SLC2A11: variants seen among roughly 807,000 people sequenced by gnomAD.
SLC2A11 encodes solute carrier family 2, facilitated glucose transporter member 11.
Under a neutral mutation model 52.1 loss-of-function variants are expected in SLC2A11, and 43 were observed. The observed-to-expected ratio is 0.82, with a 90% CI of 0.65 to 1.06. The LOEUF is 1.06. Ranked by LOEUF, SLC2A11 falls within the 50% of genes least tolerant of loss-of-function variation. The pLI is 0.00. For missense variants in SLC2A11, 582 were observed against 654.2 expected (o/e 0.89, Z 1.20); for synonymous variants, 261 against 277.6 (o/e 0.94, Z 0.59).
At chr22:23,865,578 A>C (rs2032234229) in intron 2 of SLC2A11, 1 of 152,360 alleles carries the variant, frequency 6.6e-6, no homozygotes, top group Non-Finnish European at 1.5e-5. Flanking sequence ...TGGGCAAGTG[A>C]GAACTGATAG....
In SLC2A11 at chr22:23,883,964, A is replaced by G. The variant is rs1702102895; in HGVS notation, c.1111A>G (p.Thr371Ala). 6.2e-7 allele frequency: 1 copy of G among 1,613,048 alleles called. No homozygotes were observed. ...TCCACGGCAGAGCTCCTTCCCCTGG[A>G]CACTCTACCTGGCCATGGCCTGCAT... The part of the protein sequence containing the change: ...ALCLQSSFPW[T>A]LYLAMACIFA... The change falls in exon 10 of 12, where the codon ACA (threonine) becomes GCA (alanine). Residue 371 changes from threonine (T) to alanine (A), a missense_variant. Transcript: ENST00000316185.
intron 6 of SLC2A11, 94 bp downstream of exon 6, chr22:23,877,963 C>T: frequency 7.2e-7 from 1 of 1,384,812 alleles, no homozygotes; most frequent in Non-Finnish European, 9.7e-7. Context: ...TTTCATTTAT[C>T]AAGGAAAAGC....
chr22:23,857,171 G>C, upstream of SLC2A11: 1 of 949,400 alleles, frequency 1.1e-6, no homozygotes, highest in East Asian at 2.6e-5. Flanking sequence ...CGAGGTTCTG[G>C]CGGCCGGCAG....
chr22:23,858,051 C>T (rs1408704221), intron 1 of SLC2A11, 22 bp downstream of exon 1: 2 of 1,554,008 alleles, frequency 1.3e-6, no homozygotes, highest in Non-Finnish European at 1.7e-6. Flanking sequence ...CATACTTGCC[C>T]AGACCAGGCG....
chr22:23,858,065 C>G, intron 1 of SLC2A11, 36 bp downstream of exon 1: 1 of 1,552,696 alleles, frequency 6.4e-7, no homozygotes, highest in Non-Finnish European at 8.7e-7. Context: ...CCAGGCGTTT[C>G]AGATGAGGGA....
At position 23,882,640 on chromosome 22, in the gene SLC2A11, T is replaced by C. The variant is rs1027853730; in HGVS notation, c.876T>C (p.Asn292=). Residue 292 remains asparagine, a synonymous_variant, in exon 7 of 12, where the codon AAT becomes AAC. Coordinates refer to ENST00000316185, the MANE Select transcript of SLC2A11 (RefSeq NM_001024939.4). ...GCAGTGCCATGGAGCTCTGCGGGAA[T>C]GACTCGGTGAGACCCCTGCCCCGCC... The part of the protein sequence containing the change: ...VLGSAMELCG[N]DSVYAYASSV... The C allele has an allele frequency of 8.1e-6, 13 of 1,611,600 alleles. No homozygotes were observed. In the African/African-American group the frequency reaches 1.1e-4, roughly 13 times the overall value.
At chr22:23,879,570 T>G (rs1407843743) in intron 6 of SLC2A11, 1 of 152,290 alleles carries the variant, frequency 6.6e-6, no homozygotes, top group African/African-American at 2.4e-5. Flanking sequence ...CTGGCTAGCA[T>G]GGGAGTTTTG....
At chr22:23,881,386 G>C (rs896222417) in intron 6 of SLC2A11, 5 of 152,230 alleles carry the variant, frequency 3.3e-5, no homozygotes, top group Non-Finnish European at 5.9e-5. Flanking sequence ...GTAGAAGTGA[G>C]CAAGGCCTCT....
Position 23,884,119 on chromosome 22 carries a change from C to G in SLC2A11, c.1171+95C>G, listed in dbSNP as rs762365395. ...GTGGGTGGGTGTGAATGCAATGTCC[C>G]CTGCAGGCCCTCAGAGACCACCTCA... On this transcript the variant is annotated intron_variant, in intron 10 of 11. Transcript: ENST00000316185. This position sits in a 1 kb window ranked among gnomAD's most constrained non-coding sequence, Gnocchi z 4.3. 53 of 1,530,292 alleles carry G rather than the reference C, an allele frequency of 3.5e-5. No homozygotes were observed. The highest frequency in any genetic ancestry group is 4.0e-5 in the Non-Finnish European group (45 of 1,134,560). The allele number at this position is 1,530,292 out of a possible 1,614,324, so 94.8% of individuals were successfully genotyped here.
At chr22:23,857,578 C>CT (rs11393545), upstream of SLC2A11, 88 of 922,966 alleles carry the variant, frequency 9.5e-5, 5 homozygotes, top group African/African-American at 1.7e-3. Context: ...TGACCCCAAA[C>CT]CCCCCCCCCG....
At chr22:23,869,660 G>A (rs1475463556) in intron 3 of SLC2A11, 5 of 238,546 alleles carry the variant, frequency 2.1e-5, no homozygotes, top group East Asian at 2.1e-4. Context: ...AAAACAGCTC[G>A]CTTACTAGCA....
At chr22:23,866,530 C>T (rs1245402261) in intron 2 of SLC2A11, 1 of 166,938 alleles carries the variant, frequency 6.0e-6, no homozygotes, top group African/African-American at 2.4e-5. Flanking sequence ...GGTTTGGAGT[C>T]TGGGGAGTCC....
intron 2 of SLC2A11, among the ~76,000 whole-genome samples, chr22:23,862,929 A>G (rs1245486306): frequency 1.3e-5 from 2 of 152,076 alleles, no homozygotes; most frequent in African/African-American, 2.4e-5. Flanking sequence ...GGTCTCATCA[A>G]TGTTATTTAT....
chr22:23,872,091 T>G (rs2146123561), intron 3 of SLC2A11: 1 of 152,388 alleles, frequency 6.6e-6, no homozygotes, highest in East Asian at 1.9e-4. Context: ...ATTCCAGCAC[T>G]TTAGGAGGCC....
At chr22:23,857,397 C>T, upstream of SLC2A11, 3 of 1,586,230 alleles carry the variant, frequency 1.9e-6, no homozygotes, top group Non-Finnish European at 2.6e-6. Flanking sequence ...TGACCTTGGA[C>T]CAGAGCTCCC....
rs1269007034 is a variant in SLC2A11 at position 23,884,603 on chromosome 22, G to T, written c.1300-46G>T. Reference sequence around the variant, plus strand: ...ACCTGTCATGGGCCTTCTGTTTAGGGGTTGATGGAGACACACCAGGTCTTG... The same window carrying T: ...ACCTGTCATGGGCCTTCTGTTTAGGTGTTGATGGAGACACACCAGGTCTTG... On this transcript the variant is annotated intron_variant, in intron 11 of 11. Coordinates refer to ENST00000316185, the MANE Select transcript of SLC2A11 (RefSeq NM_001024939.4). The surrounding 1 kb of genome is among the most constrained non-coding windows in gnomAD (Gnocchi z 4.3). The T allele has an allele frequency of 6.3e-7, 1 of 1,584,502 alleles. No individual in the cohort carries two copies. The highest frequency in any genetic ancestry group is 8.6e-7 in the Non-Finnish European group (1 of 1,164,792).
chr22:23,884,096 G>A lies in SLC2A11; in HGVS notation c.1171+72G>A. On this transcript the variant is annotated intron_variant, in intron 10 of 11. Transcript: ENST00000316185. The surrounding 1 kb of genome is among the most constrained non-coding windows in gnomAD (Gnocchi z 4.3). ...AGTGATGGGTGCCTGGGTGCACAGT[G>A]GGTGGGTGTGAATGCAATGTCCCCT... 1.3e-6 allele frequency: 2 copies of A among 1,570,688 alleles called. No homozygotes were observed. Among genetic ancestry groups the A allele is most frequent in the Non-Finnish European group, 1.7e-6 (2 of 1,159,322 alleles).
In SLC2A11 at chr22:23,884,052, T is replaced by G; in HGVS notation, c.1171+28T>G. ...GAGTGGGCCCAAGGGGCTCTGGGCA[T>G]CCATCATCACATAGAAGGAGTGATG... On this transcript the variant is annotated intron_variant, in intron 10 of 11. Coordinates refer to ENST00000316185, the MANE Select transcript of SLC2A11 (RefSeq NM_001024939.4). The surrounding 1 kb of genome is among the most constrained non-coding windows in gnomAD (Gnocchi z 4.3). 6.2e-7 allele frequency: 1 copy of G among 1,606,056 alleles called. No individual in the cohort carries two copies. The highest frequency in any genetic ancestry group is 1.7e-5 in the Admixed American group (1 of 57,192).
At chr22:23,862,297 G>A in intron 2 of SLC2A11, 95 bp downstream of exon 2, 1 of 1,150,020 alleles carries the variant, frequency 8.7e-7, no homozygotes. Context: ...TCCACTAGGT[G>A]GCACTTTCTG....
Sources: gnomAD v4.1 joint callset for allele counts (sites outside exome capture counted in the v4.1 genomes callset) on GRCh38, gnomAD v4.1.1 for gene constraint, Gnocchi (gnomAD v3.1) non-coding constraint, MANE v1.5 for transcripts, NCBI Gene and HGNC (gene_info 2026-07-23, HGNC 2026-07-21) for gene names.